CDK13: variants seen among roughly 807,000 people sequenced by gnomAD.
CDK13 encodes cyclin-dependent kinase 13.
In CDK13, 40 loss-of-function variants were observed where a neutral mutation model predicts 137.6. That is an observed-to-expected ratio of 0.29 (90% CI 0.23 to 0.38). The LOEUF is 0.38. Among genes scored for constraint, CDK13 ranks in the 10% least tolerant of loss-of-function variants. The probability of loss-of-function intolerance (pLI) is 1.00; values close to 1 mark genes in which losing one functional copy is unlikely to be tolerated. For synonymous variants in CDK13, 869 were observed against 760.1 expected, an observed-to-expected ratio of 1.14 and a Z score of -2.36; for missense variants, 1,704 against 1,951.8, an observed-to-expected ratio of 0.87 and a Z score of 2.39.
intron 5 of CDK13, among the ~76,000 whole-genome samples, chr7:40,011,289 G>A (rs1364737173): frequency 6.6e-6 from 1 of 152,156 alleles, no homozygotes; most frequent in Non-Finnish European, 1.5e-5. Context: ...CTTGGAGGCC[G>A]AGGCAGGAGG....
chr7:40,002,266 A>G (rs1784699059), intron 5 of CDK13: 1 of 290,522 alleles, frequency 3.4e-6, no homozygotes, highest in African/African-American at 2.2e-5. Context: ...CACTAGTAAT[A>G]TATGTTTTAT....
chr7:40,027,052 T>C (rs898284413), intron 5 of CDK13, among the ~76,000 whole-genome samples: 4 of 152,150 alleles, frequency 2.6e-5, no homozygotes, highest in Non-Finnish European at 4.4e-5. Context: ...TTTAATATTA[T>C]CTTTTATTAG....
intron 7 of CDK13, among the ~76,000 whole-genome samples, chr7:40,050,384 T>G (rs1221741252): frequency 6.6e-6 from 1 of 152,054 alleles, no homozygotes; most frequent in African/African-American, 2.4e-5. Context: ...TTCTGCTGTT[T>G]AAGAAGCATA....
Position 39,950,816 on chromosome 7 carries a change from C to A in CDK13, c.175C>A (p.Leu59Ile). 7.0e-7 allele frequency: 1 copy of A among 1,434,048 alleles called. No individual in the cohort carries two copies. The highest frequency in any genetic ancestry group is 9.1e-7 in the Non-Finnish European group (1 of 1,102,154). 88.8% of individuals were successfully genotyped at this position (1,434,048 alleles called of 1,614,324 possible). A position where few individuals can be genotyped will look rare whatever the true frequency, so the allele number is the denominator to read the frequency against. The part of the protein sequence containing the change: ...LQPPPPPPPL[L>I]FLAAPGTAAA... ...ACCGCCGCCGCCCCCGCCGCCTCTG[C>A]TCTTCCTGGCTGCTCCCGGCACGGC... The change falls in exon 1 of 14, where the codon CTC becomes ATC. Residue 59 changes from leucine (L) to isoleucine (I), a missense_variant. Transcript: ENST00000181839.
chr7:40,062,655 A>G, intron 7 of CDK13, 171 bp from the exon 8 acceptor site: 1 of 623,152 alleles, frequency 1.6e-6, no homozygotes, highest in Non-Finnish European at 2.8e-6. Context: ...CCTCACATAC[A>G]TTTTATGATC....
At position 39,997,562 on chromosome 7, in the gene CDK13, C is replaced by A. The variant is rs749884601; in HGVS notation, c.1940C>A (p.Ala647Asp). 4 of 1,604,618 alleles carry A rather than the reference C, an allele frequency of 2.5e-6. No individual in the cohort carries two copies. Among genetic ancestry groups the A allele is most frequent in the Non-Finnish European group, 3.4e-6 (4 of 1,177,682 alleles). Residue 647 changes from alanine to aspartate, a missense_variant, in exon 3 of 14, where the codon GCT becomes GAT. Ala to Asp is a moderately radical substitution (Grantham distance 126). Coordinates refer to ENST00000181839, the MANE Select transcript of CDK13 (RefSeq NM_003718.5). ...GAAAAGAAACTCCGATGTCTTCTTGCTGATTTACCGCTGCCCCCTGAGCTA... is the reference window on the plus strand; with the variant it reads ...GAAAAGAAACTCCGATGTCTTCTTGATGATTTACCGCTGCCCCCTGAGCTA... ...EVEKKLRCLL[A>D]DLPLPPELPG...
At chr7:40,065,279 A>G (rs111518470) in intron 9 of CDK13, among the ~76,000 whole-genome samples, 3,640 of 152,204 alleles carry the variant, frequency 0.024, 139 homozygotes, top group African/African-American at 0.082. Context: ...TAATATAAAC[A>G]TGGAAACAAC....
rs1432903877 is a variant in CDK13 at position 40,094,461 on chromosome 7, A to G, written c.4020A>G (p.Gly1340=). 1 of 1,613,906 alleles carries G rather than the reference A, an allele frequency of 6.2e-7. No homozygotes were observed. Among genetic ancestry groups the G allele is most frequent in the Non-Finnish European group, 8.5e-7 (1 of 1,180,020 alleles). The part of the protein sequence containing the change: ...VSTSDYKDNF[G]SSSFSSAPYV... ...CTTCAGACTACAAGGACAACTTTGG[A>G]TCCTCTTCTTTCTCTTCTGCTCCTT... is the stretch of plus-strand genomic sequence containing the variant. The change falls in exon 14 of 14, where the codon GGA becomes GGG. Residue 1340 remains glycine (G), a synonymous_variant. Coordinates refer to ENST00000181839, the MANE Select transcript of CDK13 (RefSeq NM_003718.5).
intron 7 of CDK13, among the ~76,000 whole-genome samples, chr7:40,059,626 G>A (rs1293067740): frequency 2.6e-5 from 4 of 152,168 alleles, no homozygotes; most frequent in African/African-American, 9.7e-5. Flanking sequence ...CAAAGTGCTG[G>A]GATTACAGGC....
chr7:39,953,258 G>T (rs766624041), intron 1 of CDK13, among the ~76,000 whole-genome samples: 7 of 152,184 alleles, frequency 4.6e-5, no homozygotes, highest in African/African-American at 7.2e-5. Context: ...TGATACCTTA[G>T]CGAAGAATTG....
At chr7:40,041,730 C>G (rs890836415) in intron 5 of CDK13, among the ~76,000 whole-genome samples, 1 of 152,004 alleles carries the variant, frequency 6.6e-6, no homozygotes, top group African/African-American at 2.4e-5. Flanking sequence ...CTTCCTTTTA[C>G]TCAGCATGCT....
intron 5 of CDK13, among the ~76,000 whole-genome samples, chr7:40,011,983 T>C (rs1447434809): frequency 6.6e-6 from 1 of 152,134 alleles, no homozygotes; most frequent in Non-Finnish European, 1.5e-5. Context: ...TCTGAACATA[T>C]ATTTCTCCAA....
intron 9 of CDK13, among the ~76,000 whole-genome samples, chr7:40,068,732 GGAAAC>G (rs1417950852): frequency 1.6e-5 from 2 of 129,032 alleles, no homozygotes; most frequent in African/African-American, 3.1e-5. Flanking sequence ...AAAAAAAAAA[GGAAAC>G]AGTTGATTTG....
At chr7:39,991,154 T>C (rs1430748346) in intron 2 of CDK13, among the ~76,000 whole-genome samples, 3 of 152,378 alleles carry the variant, frequency 2.0e-5, no homozygotes, top group East Asian at 3.9e-4. Context: ...TAATTTTGTT[T>C]ACAAGTTTCT....
At position 40,095,599 on chromosome 7, in the gene CDK13, C is replaced by G. The variant is rs1220280753; in HGVS notation, c.*619C>G. ...TGTTTTGTTTTGCAGATTATCAAAG[C>G]CTAGCAAAATGCATTTAAATGAAAT... On this transcript the variant is annotated 3_prime_UTR_variant, in exon 14 of 14. Coordinates refer to ENST00000181839, the MANE Select transcript of CDK13 (RefSeq NM_003718.5). 3 of 151,510 alleles carry G rather than the reference C, an allele frequency of 2.0e-5. No homozygotes were observed. Among genetic ancestry groups the G allele is most frequent in the African/African-American group, 7.3e-5 (3 of 41,230 alleles). 9.4% of individuals were successfully genotyped at this position (151,510 alleles called of 1,614,324 possible).
At chr7:40,015,218 A>G (rs540691614) in intron 5 of CDK13, among the ~76,000 whole-genome samples, 1 of 152,270 alleles carries the variant, frequency 6.6e-6, no homozygotes, top group Non-Finnish European at 1.5e-5. Flanking sequence ...ACATCAGGAG[A>G]TGACACATGG....
chr7:40,004,544 A>T (rs997690179), intron 5 of CDK13, among the ~76,000 whole-genome samples: 1 of 152,238 alleles, frequency 6.6e-6, no homozygotes, highest in African/African-American at 2.4e-5. Flanking sequence ...ATGAAGCAAC[A>T]TGATTTTCCG....
chr7:39,959,632 A>G (rs1787545352), intron 1 of CDK13, among the ~76,000 whole-genome samples: 1 of 151,690 alleles, frequency 6.6e-6, no homozygotes, highest in Admixed American at 6.6e-5. Flanking sequence ...GCCCAGTTAA[A>G]TTTTTTATTT....
intron 5 of CDK13, 114 bp downstream of exon 5, chr7:40,002,145 C>T (rs556237734): frequency 1.9e-5 from 12 of 623,442 alleles, no homozygotes; most frequent in East Asian, 2.9e-5. Context: ...TTGCTCTAAT[C>T]GTGAAACTAT....
Sources: allele counts gnomAD v4.1 joint callset (sites outside exome capture counted in the v4.1 genomes callset), GRCh38; gene constraint gnomAD v4.1.1; transcripts MANE v1.5; gene names NCBI Gene and HGNC (gene_info 2026-07-23, HGNC 2026-07-21).